CAPS2: variants seen among roughly 807,000 people sequenced by gnomAD.
CAPS2 encodes calcyphosine 2, also known as calcyphosin-2.
In CAPS2, 98 loss-of-function variants were observed where a neutral mutation model predicts 86.5. That is an observed-to-expected ratio of 1.13 (90% CI 0.96 to 1.34). The LOEUF (loss-of-function observed/expected upper bound fraction) is 1.34, where lower values mean the gene tolerates loss of function less well. Ranked by LOEUF, CAPS2 falls within the 40% of genes most tolerant of loss-of-function variation. The pLI, the probability that CAPS2 is intolerant of heterozygous loss-of-function variation, is 0.00. For synonymous variants in CAPS2, 210 were observed against 225.1 expected, an observed-to-expected ratio of 0.93 and a Z score of 0.60; for missense variants, 729 against 686.8, an observed-to-expected ratio of 1.06 and a Z score of -0.69.
In CAPS2 at chr12:75,289,573, C is replaced by A. The variant is rs999652144; in HGVS notation, c.1395+48G>T. On this transcript the variant is annotated intron_variant, in intron 14 of 16. Transcript: ENST00000393284. ...TCAGTAGAACAGTGAATAATGCCAC[C>A]TAAGAATAACATATTATCTGCTGCA... 4 of 1,516,080 alleles carry A rather than the reference C, an allele frequency of 2.6e-6. No individual in the cohort carries two copies. In the African/African-American group the frequency reaches 4.2e-5, roughly 16 times the overall value. 93.9% of individuals were successfully genotyped at this position (1,516,080 alleles called of 1,614,324 possible). A position where few individuals can be genotyped will look rare whatever the true frequency, so the allele number is the denominator to read the frequency against.
At chr12:75,298,711 T>C (rs759931490) in exon 11 of CAPS2, 6 of 1,613,986 alleles carry the variant, frequency 3.7e-6, no homozygotes, top group Non-Finnish European at 5.1e-6. Context: ...CAAGTCGGTA[T>C]TGTTTTCCTT....
At chr12:75,327,563 T>C (rs1456790508), upstream of CAPS2, among the ~76,000 whole-genome samples, 1 of 151,982 alleles carries the variant, frequency 6.6e-6, no homozygotes, top group Non-Finnish European at 1.5e-5. Context: ...TAGTAAATTA[T>C]TTCTGTTTTG....
Position 75,304,890 on chromosome 12 carries a change from T to A in CAPS2, c.660-14A>T. ...CTGATGACAGCCCTATACAGGAAAA[T>A]AAAAAGTCCAACAATTAAATATGAT... On this transcript the variant is annotated splice_polypyrimidine_tract_variant and intron_variant, in intron 7 of 16. Transcript: ENST00000393284. 6.2e-7 allele frequency: 1 copy of A among 1,602,086 alleles called. No homozygotes were observed. The highest frequency in any genetic ancestry group is 8.5e-7 in the Non-Finnish European group (1 of 1,177,174).
At chr12:75,379,498 T>G (rs1161276688) in intron 1 of CAPS2, among the ~76,000 whole-genome samples, 4 of 152,320 alleles carry the variant, frequency 2.6e-5, no homozygotes, top group African/African-American at 9.6e-5. Context: ...GTTCCTTTAC[T>G]CTGAATAGAC....
At chr12:75,325,989 C>A (rs1343316354) in intron 1 of CAPS2, among the ~76,000 whole-genome samples, 2 of 152,000 alleles carry the variant, frequency 1.3e-5, no homozygotes, top group Non-Finnish European at 2.9e-5. Flanking sequence ...CAAGCTTAGC[C>A]ACCATGAAAT....
chr12:75,298,451 T>A (rs558577539), intron 11 of CAPS2: 32 of 471,490 alleles, frequency 6.8e-5, no homozygotes, highest in Non-Finnish European at 1.1e-4. Context: ...TGTTGTGGAA[T>A]GGGAAGGGGG....
At chr12:75,297,906 A>G (rs1258198682) in intron 11 of CAPS2, among the ~76,000 whole-genome samples, 4 of 152,100 alleles carry the variant, frequency 2.6e-5, no homozygotes, top group East Asian at 1.9e-4. Context: ...TTCTCTAGGA[A>G]GCCTCCTTTG....
At chr12:75,291,846 GA>G in intron 12 of CAPS2, 26 bp from the exon 13 acceptor site, 1 of 1,161,426 alleles carries the variant, frequency 8.6e-7, no homozygotes, top group Non-Finnish European at 1.3e-6. Flanking sequence ...TCACAGGGAT[GA>G]AATATATATA....
chr12:75,374,555 A>G (rs2044550207), intron 1 of CAPS2, among the ~76,000 whole-genome samples: 1 of 152,176 alleles, frequency 6.6e-6, no homozygotes. Context: ...CAATGAGTCC[A>G]GTGTCTTTGC....
chr12:75,286,138 G>A (rs2034829308), intron 14 of CAPS2, among the ~76,000 whole-genome samples: 1 of 151,808 alleles, frequency 6.6e-6, no homozygotes, highest in East Asian at 1.9e-4. Context: ...TACCTAACAA[G>A]GTGCTTAGCA....
intron 6 of CAPS2, among the ~76,000 whole-genome samples, chr12:75,314,912 A>G (rs910374075): frequency 4.6e-5 from 7 of 152,262 alleles, no homozygotes; most frequent in Non-Finnish European, 8.8e-5. Flanking sequence ...TGATGGAAGG[A>G]TCTGTCAACA....
At chr12:75,283,930 C>T (rs2034427580) in intron 15 of CAPS2, among the ~76,000 whole-genome samples, 1 of 152,162 alleles carries the variant, frequency 6.6e-6, no homozygotes, top group Admixed American at 6.5e-5. Context: ...CAGAAGAAAC[C>T]AAACCTGCTG....
exon 5 of CAPS2, chr12:75,321,488 C>T (rs1413032063): frequency 6.5e-6 from 10 of 1,545,442 alleles, no homozygotes; most frequent in Non-Finnish European, 8.8e-6. Context: ...CTGCTTATAG[C>T]CCTCTTTAAT....
At chr12:75,368,247 T>A (rs938232768) in intron 1 of CAPS2, among the ~76,000 whole-genome samples, 1 of 151,256 alleles carries the variant, frequency 6.6e-6, no homozygotes, top group South Asian at 2.1e-4. Flanking sequence ...TCTTTTTAAC[T>A]TTTTATTTAC....
intron 1 of CAPS2, among the ~76,000 whole-genome samples, chr12:75,368,799 C>G (rs187263787): frequency 6.6e-6 from 1 of 151,894 alleles, no homozygotes; most frequent in East Asian, 1.9e-4. Context: ...AGTAGACATT[C>G]TCTATAAAGC....
At chr12:75,323,137 G>GT in intron 3 of CAPS2, 40 bp downstream of exon 4, 22 of 1,490,830 alleles carry the variant, frequency 1.5e-5, no homozygotes, top group Non-Finnish European at 2.0e-5. Flanking sequence ...GTAATATTGT[G>GT]TTTTAATGTT....
chr12:75,330,859 A>T (rs1301105966), upstream of CAPS2, among the ~76,000 whole-genome samples: 1 of 150,974 alleles, frequency 6.6e-6, no homozygotes, highest in African/African-American at 2.4e-5. Flanking sequence ...ATCTCGACTC[A>T]CTGCAACCTC....
At chr12:75,365,919 CT>C (rs2043932026) in intron 1 of CAPS2, among the ~76,000 whole-genome samples, 1 of 152,080 alleles carries the variant, frequency 6.6e-6, no homozygotes, top group Admixed American at 6.6e-5. Context: ...AAAGATCATT[CT>C]GTTTTGGGCT....
rs567352120 is a variant in CAPS2 at position 75,381,728 on chromosome 12, C to T, written c.-395+9110G>A. Among the ~76,000 whole-genome samples the T allele has an allele frequency of 1.5e-4, 23 of 151,330 alleles. 1 individual carries two copies. The South Asian group carries it at 2.1e-3, about 14-fold the overall frequency. On this transcript the variant is annotated intron_variant, in intron 1 of 5. Transcript: ENST00000551829. ...CTCCCAGGTTCAAGCGATTCTCCTG[C>T]CTCAGCCTCCCGAGTAGCTGGGACT...
Sources: allele counts gnomAD v4.1 joint callset (sites outside exome capture counted in the v4.1 genomes callset), GRCh38; gene constraint gnomAD v4.1.1; transcripts MANE v1.5; gene names NCBI Gene and HGNC (gene_info 2026-07-23, HGNC 2026-07-21).